Variants in DLGAP4 observed in about 807,000 individuals in gnomAD.
DLGAP4 encodes the protein DLG associated protein 4.
In DLGAP4, 18 loss-of-function variants were observed where a neutral mutation model predicts 86.9. The ratio of observed to expected loss-of-function variants is 0.21; its 90% CI spans 0.14 to 0.31. The LOEUF (loss-of-function observed/expected upper bound fraction) is 0.31, where lower values mean the gene tolerates loss of function less well. Ranked by LOEUF, DLGAP4 falls within the 10% of genes least tolerant of loss-of-function variation. The pLI is 1.00. For missense variants in DLGAP4, 1,085 were observed against 1,362.6 expected (o/e 0.80, Z 3.21); for synonymous variants, 548 against 574.3 (o/e 0.95, Z 0.65).
chr20:36,388,209 T>A (rs1223970996), intron 2 of DLGAP4, among the ~76,000 whole-genome samples: 1 of 152,224 alleles, frequency 6.6e-6, no homozygotes, highest in Non-Finnish European at 1.5e-5. Context: ...GATTCTTCCT[T>A]TGTATGTTCT....
intron 7 of DLGAP4, among the ~76,000 whole-genome samples, chr20:36,482,461 A>G (rs1337228616): frequency 6.6e-6 from 1 of 151,688 alleles, no homozygotes; most frequent in Non-Finnish European, 1.5e-5. Context: ...GGGCTCTGGG[A>G]TCTTAGGGCT....
At chr20:36,438,970 C>G (rs1236202794) in intron 4 of DLGAP4, among the ~76,000 whole-genome samples, 1 of 152,082 alleles carries the variant, frequency 6.6e-6, no homozygotes, top group Non-Finnish European at 1.5e-5. Flanking sequence ...CTCTAAGACC[C>G]CTTCTAGTAC....
At chr20:36,334,743 G>C (rs2065304399) in intron 1 of DLGAP4, among the ~76,000 whole-genome samples, 1 of 152,130 alleles carries the variant, frequency 6.6e-6, no homozygotes, top group African/African-American at 2.4e-5. Flanking sequence ...ACTGAGATTG[G>C]GAGTTGGGGC....
chr20:36,440,014 T>G (rs767819602), intron 5 of DLGAP4, 146 bp downstream of exon 5: 4 of 711,512 alleles, frequency 5.6e-6, no homozygotes, highest in Admixed American at 4.4e-5. Context: ...TCCTGAAGCC[T>G]CCTGTGTGTG....
At chr20:36,413,503 C>T (rs186094745) in intron 2 of DLGAP4, among the ~76,000 whole-genome samples, 3 of 150,202 alleles carry the variant, frequency 2.0e-5, no homozygotes, top group South Asian at 2.1e-4. Context: ...CTGCAACCTC[C>T]GCCTCCTGGG....
intron 2 of DLGAP4, among the ~76,000 whole-genome samples, chr20:36,395,446 A>G (rs1208026317): frequency 6.6e-6 from 1 of 152,180 alleles, no homozygotes; most frequent in Admixed American, 6.5e-5. Flanking sequence ...CACTTAGCCC[A>G]GAGCCTGGCC....
intron 7 of DLGAP4, among the ~76,000 whole-genome samples, chr20:36,495,633 CCTGGCTGGGGTCAGGGT>C (rs1429994066): frequency 2.0e-5 from 3 of 152,206 alleles, no homozygotes; most frequent in African/African-American, 7.2e-5. Flanking sequence ...TGGGTCAGCC[CCTGGCTGGGGTCAGGGT>C]GAGATTCAGA....
chr20:36,370,388 A>G (rs1424279345), intron 2 of DLGAP4, among the ~76,000 whole-genome samples: 1 of 152,046 alleles, frequency 6.6e-6, no homozygotes, highest in Non-Finnish European at 1.5e-5. Flanking sequence ...TGGGAGGCTG[A>G]AGTGGGAGGA....
chr20:36,370,205 A>T (rs1234373974), intron 2 of DLGAP4, among the ~76,000 whole-genome samples: 4 of 152,176 alleles, frequency 2.6e-5, no homozygotes, highest in South Asian at 4.1e-4. Context: ...TAGCTGTTTA[A>T]CAAGTATCAA....
intron 2 of DLGAP4, among the ~76,000 whole-genome samples, chr20:36,398,394 T>A (rs2032060200): frequency 6.6e-6 from 1 of 152,146 alleles, no homozygotes; most frequent in African/African-American, 2.4e-5. Flanking sequence ...CATGGAGGTA[T>A]GGAGTAACTC....
At chr20:36,502,225 ATT>A (rs1216855590) in intron 10 of DLGAP4, among the ~76,000 whole-genome samples, 9 of 152,312 alleles carry the variant, frequency 5.9e-5, no homozygotes, top group African/African-American at 2.2e-4. Context: ...GTATGTAAAT[ATT>A]GTTTATTGCA....
chr20:36,461,751 G>GGGCCCCCCCCC, intron 7 of DLGAP4: 45 of 618,662 alleles, frequency 7.3e-5, no homozygotes, highest in East Asian at 1.5e-4. Context: ...CCGTCCGTCC[G>GGGCCCCCCCCC]CCCGCCCGCC....
At chr20:36,337,803 G>A (rs2065337511) in intron 1 of DLGAP4, among the ~76,000 whole-genome samples, 1 of 152,208 alleles carries the variant, frequency 6.6e-6, no homozygotes, top group Non-Finnish European at 1.5e-5. Flanking sequence ...GTTGTTGCCT[G>A]CTACCTGTGC....
In DLGAP4 at chr20:36,446,722, A is replaced by G; in HGVS notation, c.1433A>G (p.Gln478Arg). 2 of 1,607,208 alleles carry G rather than the reference A, an allele frequency of 1.2e-6. No individual in the cohort carries two copies. Among genetic ancestry groups the G allele is most frequent in the Non-Finnish European group, 1.7e-6 (2 of 1,175,038 alleles). The change falls in exon 7 of 13, where the codon CAG becomes CGG. Residue 478 changes from glutamine (Q) to arginine (R), a missense_variant. Gln to Arg is a conservative substitution (Grantham distance 43, BLOSUM62 1). Transcript: ENST00000339266. The stretch of plus-strand genomic sequence containing the variant: ...GTACGGGAGGCAGAGCTGAGTGACC[A>G]GTATGAGGCGGCCTGCGAGTCAGCC... ...QQVREAELSD[Q>R]YEAACESACS...
At chr20:36,333,327 AG>A (rs1193534329) in intron 1 of DLGAP4, among the ~76,000 whole-genome samples, 3 of 152,076 alleles carry the variant, frequency 2.0e-5, no homozygotes, top group Non-Finnish European at 4.4e-5. Context: ...AAGTTAATAG[AG>A]GGTTTTTTTT....
intron 1 of DLGAP4, among the ~76,000 whole-genome samples, chr20:36,319,830 C>T (rs1398507941): frequency 2.0e-5 from 3 of 152,108 alleles, no homozygotes; most frequent in African/African-American, 7.2e-5. Context: ...GGCCCTCCTC[C>T]CCTCACCACC....
At chr20:36,487,151 A>G (rs1004450986) in intron 7 of DLGAP4, among the ~76,000 whole-genome samples, 3 of 152,134 alleles carry the variant, frequency 2.0e-5, no homozygotes, top group East Asian at 1.9e-4. Context: ...GGGAATTTCC[A>G]TGCTTCTGGA....
intron 10 of DLGAP4, 53 bp from the exon 11 acceptor site, chr20:36,524,197 C>T (rs2037560314): frequency 6.8e-7 from 1 of 1,462,598 alleles, no homozygotes; most frequent in East Asian, 2.3e-5. Context: ...GATGCCATCC[C>T]ACCAAACCCT....
intron 7 of DLGAP4, among the ~76,000 whole-genome samples, chr20:36,457,080 T>C (rs2033897060): frequency 6.6e-6 from 1 of 152,094 alleles, no homozygotes; most frequent in South Asian, 2.1e-4. Context: ...GACAAAACAA[T>C]AAACATAAAT....
Sources: gnomAD v4.1 joint callset for allele counts (sites outside exome capture counted in the v4.1 genomes callset) on GRCh38, gnomAD v4.1.1 for gene constraint, MANE v1.5 for transcripts, NCBI Gene and HGNC (gene_info 2026-07-23, HGNC 2026-07-21) for gene names.